The following MYO7B variants were observed in gnomAD, a reference collection of about 807,000 sequenced individuals.
The protein encoded by MYO7B is myosin VIIB, also known as unconventional myosin-VIIb.
In MYO7B, 212 loss-of-function variants were observed where a neutral mutation model predicts 259.7. That is an observed-to-expected ratio of 0.82 (90% CI 0.73 to 0.91). The LOEUF (loss-of-function observed/expected upper bound fraction) is 0.91, where lower values mean the gene tolerates loss of function less well. MYO7B is among the 40% of genes least tolerant of loss of function. The pLI, the probability that MYO7B is intolerant of heterozygous loss-of-function variation, is 0.00. For synonymous variants in MYO7B, 1,197 were observed against 1,166.4 expected, an observed-to-expected ratio of 1.03 and a Z score of -0.54; for missense variants, 2,732 against 2,813.5, an observed-to-expected ratio of 0.97 and a Z score of 0.66.
chr2:127,582,507 C>T, intron 12 of MYO7B, 61 bp downstream of exon 12: 1 of 1,576,132 alleles, frequency 6.3e-7, no homozygotes, highest in African/African-American at 1.4e-5. Flanking sequence ...AGCAGCTCCT[C>T]TCGAAGGGGG....
chr2:127,624,541 A>G (rs546477613), intron 30 of MYO7B, among the ~76,000 whole-genome samples: 29 of 152,370 alleles, frequency 1.9e-4, no homozygotes, highest in African/African-American at 7.0e-4. Flanking sequence ...AGCAGGTCCC[A>G]GAGGGCCCAG....
At position 127,612,607 on chromosome 2, in the gene MYO7B, A is replaced by T. The variant is rs775985929; in HGVS notation, c.3398+4A>T. On this transcript the variant is annotated splice_donor_region_variant and intron_variant, in intron 26 of 47. Transcript: ENST00000409816. The stretch of plus-strand genomic sequence containing the variant: ...CCATCCTGCGGCCCAGCCTCAGGTC[A>T]GTTCCCACTCCCATCCCGGCCCCAT... 3.7e-6 allele frequency: 6 copies of T among 1,609,878 alleles called. No homozygotes were observed. The highest frequency in any genetic ancestry group is 1.8e-4 in the Middle Eastern group (1 of 5,478).
rs984611777 is a variant in MYO7B at position 127,623,143 on chromosome 2, G to C, written c.3646-59G>C. 5.0e-6 allele frequency: 8 copies of C among 1,585,450 alleles called. No individual in the cohort carries two copies. In the African/African-American group the frequency reaches 1.1e-4, roughly 21 times the overall value. ...AGAGGAGGGAGGTAGTGGATGGGGG[G>C]TTGGCCTCCTGTCCATAGGTTCCAA... is the stretch of plus-strand genomic sequence containing the variant. On this transcript the variant is annotated intron_variant, in intron 28 of 47. Transcript: ENST00000409816.
chr2:127,589,945 TG>T, intron 15 of MYO7B, 146 bp from the exon 16 acceptor site: 1 of 851,386 alleles, frequency 1.2e-6, no homozygotes, highest in Non-Finnish European at 1.8e-6. Flanking sequence ...GATGGATACA[TG>T]GATGGGTGGG....
Position 127,597,074 on chromosome 2 carries a change from G to C in MYO7B, c.2339+518G>C, listed in dbSNP as rs552838481. Among the ~76,000 whole-genome samples, 1 of 152,222 alleles carries C rather than the reference G, an allele frequency of 6.6e-6. No individual in the cohort carries two copies. The highest frequency in any genetic ancestry group is 1.5e-5 in the Non-Finnish European group (1 of 68,044). On this transcript the variant is annotated intron_variant, in intron 19 of 47. Transcript: ENST00000409816. This position sits in a 1 kb window ranked among gnomAD's most constrained non-coding sequence, Gnocchi z 4.8. ...GAAAGTAGAAGACAGCCAGCCCCGG[G>C]AATAGAGAATGAGGGGACAGAGAGC...
intron 37 of MYO7B, 98 bp from the exon 38 acceptor site, chr2:127,631,502 C>A: frequency 6.5e-7 from 1 of 1,526,924 alleles, no homozygotes; most frequent in Non-Finnish European, 8.8e-7. Context: ...ACAGAGCCCA[C>A]ACATGGCTCA....
chr2:127,615,190 T>G lies in MYO7B; in HGVS notation c.3398+2587T>G, dbSNP rs1295549879. ...GCCCCACAGGTGCACCAAGGAGGAG[T>G]GGCCTTAGTGCCTACCTGGGCCAAG... On this transcript the variant is annotated intron_variant, in intron 26 of 47. Transcript: ENST00000409816. The surrounding 1 kb of genome is among the most constrained non-coding windows in gnomAD (Gnocchi z 4.4). Among the ~76,000 whole-genome samples, 1 of 151,422 alleles carries G rather than the reference T, an allele frequency of 6.6e-6. No individual in the cohort carries two copies. Among genetic ancestry groups the G allele is most frequent in the African/African-American group, 2.4e-5 (1 of 41,134 alleles).
At chr2:127,552,123 G>GA (rs887442911) in intron 1 of MYO7B, among the ~76,000 whole-genome samples, 1 of 151,718 alleles carries the variant, frequency 6.6e-6, no homozygotes, top group Non-Finnish European at 1.5e-5. Flanking sequence ...TTGGCATTTG[G>GA]AAAAAAAAGT....
chr2:127,626,788 A>C (rs1012386947), intron 31 of MYO7B, 187 bp from the exon 32 acceptor site: 1 of 576,924 alleles, frequency 1.7e-6, no homozygotes, highest in Non-Finnish European at 3.1e-6. Flanking sequence ...CAAAAAAGAA[A>C]AAAAAAGGAT....
chr2:127,566,921 C>A, intron 5 of MYO7B, 94 bp downstream of exon 5: 1 of 1,343,076 alleles, frequency 7.4e-7, no homozygotes, highest in Non-Finnish European at 1.0e-6. Context: ...AGAGCTCTCC[C>A]TACTCCATGG....
intron 6 of MYO7B, among the ~76,000 whole-genome samples, chr2:127,571,550 G>A (rs1187557341): frequency 2.0e-5 from 3 of 149,906 alleles, no homozygotes; most frequent in Non-Finnish European, 3.0e-5. Context: ...GCACGATCTC[G>A]GCTCACTGCA....
chr2:127,629,759 C>G lies in MYO7B; in HGVS notation c.4739C>G (p.Thr1580Arg), dbSNP rs568585056. 4 of 1,610,668 alleles carry G rather than the reference C, an allele frequency of 2.5e-6. No individual in the cohort carries two copies. Among genetic ancestry groups the G allele is most frequent in the Non-Finnish European group, 3.4e-6 (4 of 1,178,682 alleles). Residue 1580 changes from threonine (T) to arginine (R), a missense_variant, in exon 35 of 48, where the codon ACG becomes AGG. By Grantham distance (71) the Thr-to-Arg change is moderately conservative. Coordinates refer to ENST00000409816, the MANE Select transcript of MYO7B (RefSeq NM_001393586.1). ...GGCCAGAACGACAGGACAGGCAAGA[C>G]GGGGCTGGTGCCCATGGCCTGCCTC... The part of the protein sequence containing the change: ...TLGQNDRTGK[T>R]GLVPMACLYT...
intron 26 of MYO7B, 126 bp downstream of exon 26, chr2:127,612,729 G>A: frequency 7.1e-7 from 1 of 1,401,104 alleles, no homozygotes; most frequent in Non-Finnish European, 9.5e-7. Context: ...TGCAGGCTGG[G>A]TCTCAGGACA....
At chr2:127,629,967 C>T in intron 35 of MYO7B, 141 bp downstream of exon 35, 3 of 887,842 alleles carry the variant, frequency 3.4e-6, no homozygotes, top group East Asian at 3.3e-5. Context: ...GCAGCCCCCA[C>T]CATTCCTGCG....
chr2:127,562,732 C>T (rs1043127428), intron 2 of MYO7B, among the ~76,000 whole-genome samples: 7 of 151,738 alleles, frequency 4.6e-5, no homozygotes, highest in South Asian at 2.1e-4. Context: ...GTGATCTGCC[C>T]GCCTCAGCCT....
At chr2:127,610,054 C>T in intron 24 of MYO7B, 38 bp downstream of exon 24, 1 of 1,596,718 alleles carries the variant, frequency 6.3e-7, no homozygotes, top group Non-Finnish European at 8.5e-7. Context: ...GAGGGCGACA[C>T]CTACCAGGTG....
chr2:127,629,083 C>T (rs569067411), intron 34 of MYO7B, among the ~76,000 whole-genome samples: 1 of 152,164 alleles, frequency 6.6e-6, no homozygotes, highest in East Asian at 1.9e-4. Context: ...GCCTGCTGGC[C>T]GGGTGGTCAT....
Position 127,636,108 on chromosome 2 carries a change from T to TCCCCA in MYO7B, c.6007-97_6007-93dup, listed in dbSNP as rs1681787743. On this transcript the variant is annotated intron_variant, in intron 44 of 47. Transcript: ENST00000409816. The surrounding 1 kb of genome is among the most constrained non-coding windows in gnomAD (Gnocchi z 4.5). ...CCCATGCTGCATTCCTCCCCTCCCCTCCCCACCGTACTAGCCCTGGGGTAG... is the reference window on the plus strand; with the variant it reads ...CCCATGCTGCATTCCTCCCCTCCCCTCCCCACCCCACCGTACTAGCCCTGGGGTAG... The TCCCCA allele has an allele frequency of 1.8e-6, 2 of 1,128,332 alleles. No homozygotes were observed. The highest frequency in any genetic ancestry group is 1.4e-5 in the South Asian group (1 of 69,130). The allele number at this position is 1,128,332 out of a possible 1,614,324, so 69.9% of individuals were successfully genotyped here.
Position 127,597,655 on chromosome 2 carries a change from A to G in MYO7B, c.2339+1099A>G, listed in dbSNP as rs191774644. Among the ~76,000 whole-genome samples, 164 of 128,694 alleles carry G rather than the reference A, an allele frequency of 1.3e-3. No individual in the cohort carries two copies. The highest frequency in any genetic ancestry group is 5.5e-3 in the African/African-American group (156 of 28,312). 84.4% of individuals were successfully genotyped at this position (128,694 alleles called of 152,430 possible). On this transcript the variant is annotated intron_variant, in intron 19 of 47. Transcript: ENST00000409816. The surrounding 1 kb of genome is among the most constrained non-coding windows in gnomAD (Gnocchi z 4.8). ...TTTATTTATTTATTTATTTATTTGA[A>G]ACAAAGTCTCACTCAGTCAACCAGG... is the stretch of plus-strand genomic sequence containing the variant.
Sources: allele counts gnomAD v4.1 joint callset (sites outside exome capture counted in the v4.1 genomes callset), GRCh38; gene constraint gnomAD v4.1.1; non-coding constraint Gnocchi (gnomAD v3.1); transcripts MANE v1.5; gene names NCBI Gene and HGNC (gene_info 2026-07-23, HGNC 2026-07-21).